Variants in CPNE8 observed in about 807,000 individuals in gnomAD.
CPNE8 encodes copine-8.
In CPNE8, 45 loss-of-function variants were observed where a neutral mutation model predicts 81.5. That is an observed-to-expected ratio of 0.55 (90% CI 0.44 to 0.71). The LOEUF (loss-of-function observed/expected upper bound fraction) is 0.71, where lower values mean the gene tolerates loss of function less well. CPNE8 is among the 30% of genes least tolerant of loss of function. CPNE8 has a pLI of 0.00. For missense variants in CPNE8, 594 were observed against 672.1 expected (o/e 0.88, Z 1.28); for synonymous variants, 252 against 226.3 (o/e 1.11, Z -1.02).
intron 3 of CPNE8, among the ~76,000 whole-genome samples, chr12:38,856,285 G>A (rs985661870): frequency 6.6e-6 from 1 of 152,070 alleles, no homozygotes; most frequent in African/African-American, 2.4e-5. Flanking sequence ...ATTTAAACAA[G>A]AAGCAATATC....
intron 7 of CPNE8, among the ~76,000 whole-genome samples, chr12:38,769,054 T>A (rs952667627): frequency 2.0e-5 from 3 of 152,198 alleles, no homozygotes; most frequent in Non-Finnish European, 4.4e-5. Flanking sequence ...CAAAACATGA[T>A]GCTACCTTTA....
chr12:38,661,470 G>A (rs561248722), intron 19 of CPNE8, among the ~76,000 whole-genome samples: 14 of 152,202 alleles, frequency 9.2e-5, no homozygotes, highest in South Asian at 2.1e-4. Flanking sequence ...GGTGGGGGAC[G>A]TGGGGAGAGA....
intron 6 of CPNE8, among the ~76,000 whole-genome samples, chr12:38,829,054 A>G (rs1943244705): frequency 6.6e-6 from 1 of 152,228 alleles, no homozygotes; most frequent in African/African-American, 2.4e-5. Flanking sequence ...AGTTTACTAC[A>G]TATATTTACT....
At chr12:38,725,804 G>A (rs1350946081) in intron 11 of CPNE8, among the ~76,000 whole-genome samples, 1 of 148,478 alleles carries the variant, frequency 6.7e-6, no homozygotes. Flanking sequence ...GCATGTTAGG[G>A]AGATCCTTAA....
At chr12:38,767,522 A>G (rs1941714021) in intron 8 of CPNE8, 113 bp downstream of exon 8, 2 of 611,532 alleles carry the variant, frequency 3.3e-6, no homozygotes, top group Non-Finnish European at 5.3e-6. Flanking sequence ...AATTTTTAAA[A>G]TCTCAAACTA....
chr12:38,712,498 C>A (rs1047812507), intron 13 of CPNE8, among the ~76,000 whole-genome samples: 6 of 152,114 alleles, frequency 3.9e-5, no homozygotes, highest in Admixed American at 3.3e-4. Context: ...CAGGTGTGAA[C>A]CACCATGCCC....
At chr12:38,848,333 T>C (rs923662790) in intron 4 of CPNE8, among the ~76,000 whole-genome samples, 4 of 152,134 alleles carry the variant, frequency 2.6e-5, no homozygotes, top group Non-Finnish European at 4.4e-5. Flanking sequence ...AGAATGTCCA[T>C]ATACACCGTC....
intron 10 of CPNE8, among the ~76,000 whole-genome samples, chr12:38,758,869 G>A (rs1232029379): frequency 2.0e-5 from 3 of 152,060 alleles, no homozygotes; most frequent in Admixed American, 6.5e-5. Context: ...CAATAGGAGA[G>A]TCACAGAAAC....
At chr12:38,673,609 A>G (rs1019668612) in intron 18 of CPNE8, among the ~76,000 whole-genome samples, 12 of 152,134 alleles carry the variant, frequency 7.9e-5, no homozygotes, top group East Asian at 3.9e-4. Context: ...AAGTTTTTCT[A>G]TCCCATTAGA....
chr12:38,664,621 T>C (rs1939027971), intron 19 of CPNE8, among the ~76,000 whole-genome samples: 1 of 152,174 alleles, frequency 6.6e-6, no homozygotes, highest in South Asian at 2.1e-4. Flanking sequence ...GCAGATGTTT[T>C]TTAATTGAGG....
chr12:38,779,763 C>A (rs1027776717), intron 6 of CPNE8, among the ~76,000 whole-genome samples: 1 of 151,808 alleles, frequency 6.6e-6, no homozygotes, highest in South Asian at 2.1e-4. Context: ...AAAAATGCAC[C>A]CACCATGAGT....
At chr12:38,728,635 T>A (rs1197384545) in intron 11 of CPNE8, among the ~76,000 whole-genome samples, 1 of 151,952 alleles carries the variant, frequency 6.6e-6, no homozygotes, top group Non-Finnish European at 1.5e-5. Flanking sequence ...CCATTAAGCA[T>A]AACAACATAA....
intron 9 of CPNE8, among the ~76,000 whole-genome samples, chr12:38,761,708 C>T (rs569788363): frequency 6.6e-6 from 1 of 152,224 alleles, no homozygotes; most frequent in African/African-American, 2.4e-5. Context: ...ATCCTCAGGA[C>T]CACCTTACCC....
chr12:38,775,588 G>A (rs1941915069), intron 7 of CPNE8, among the ~76,000 whole-genome samples: 1 of 152,164 alleles, frequency 6.6e-6, no homozygotes, highest in Admixed American at 6.5e-5. Context: ...GTTACTTTCA[G>A]TCTGGAGTGT....
chr12:38,685,993 G>A (rs747633928), intron 15 of CPNE8, among the ~76,000 whole-genome samples: 11 of 152,074 alleles, frequency 7.2e-5, no homozygotes, highest in Admixed American at 3.9e-4. Context: ...GAAAACCAAC[G>A]TATTAATAGT....
intron 10 of CPNE8, among the ~76,000 whole-genome samples, chr12:38,734,269 C>A (rs1349857237): frequency 6.6e-6 from 1 of 151,972 alleles, no homozygotes; most frequent in Non-Finnish European, 1.5e-5. Context: ...TCTTACCTTG[C>A]CAGTGATATT....
intron 3 of CPNE8, among the ~76,000 whole-genome samples, chr12:38,868,415 CT>C (rs1410369852): frequency 1.3e-5 from 2 of 152,062 alleles, no homozygotes; most frequent in Non-Finnish European, 1.5e-5. Context: ...AGCTTTGCTA[CT>C]TTTCATACTT....
intron 4 of CPNE8, among the ~76,000 whole-genome samples, chr12:38,847,971 C>T (rs1565646708): frequency 6.6e-6 from 1 of 152,024 alleles, no homozygotes; most frequent in Non-Finnish European, 1.5e-5. Context: ...CACTACAGTT[C>T]ACTTCTGTGG....
intron 13 of CPNE8, among the ~76,000 whole-genome samples, chr12:38,704,071 T>C (rs935484647): frequency 6.6e-6 from 1 of 152,056 alleles, no homozygotes; most frequent in African/African-American, 2.4e-5. Context: ...GACATAAAGA[T>C]GGCAACAACA....
Sources: allele counts gnomAD v4.1 joint callset (sites outside exome capture counted in the v4.1 genomes callset), GRCh38; gene constraint gnomAD v4.1.1; transcripts MANE v1.5; gene names NCBI Gene and HGNC (gene_info 2026-07-23, HGNC 2026-07-21).